Variants in COP1 observed in about 807,000 individuals in gnomAD.
COP1 encodes the protein COP1 E3 ubiquitin ligase.
Under a neutral mutation model 101.3 loss-of-function variants are expected in COP1, and 24 were observed. The ratio of observed to expected loss-of-function variants is 0.24; its 90% confidence interval spans 0.17 to 0.33. COP1 has a LOEUF of 0.33. Ranked by LOEUF, COP1 falls within the 10% of genes least tolerant of loss-of-function variation. COP1 has a pLI of 1.00. For missense variants in COP1, 663 were observed against 906.2 expected (o/e 0.73, Z 3.45); for synonymous variants, 347 against 341.9 (o/e 1.01, Z -0.17).
At chr1:176,144,680 A>G (rs915874908) in intron 6 of COP1, among the ~76,000 whole-genome samples, 1 of 152,168 alleles carries the variant, frequency 6.6e-6, no homozygotes, top group African/African-American at 2.4e-5. Context: ...GGTATTGCGA[A>G]AAAGACCAGT....
chr1:176,063,128 C>T (rs1401308869), intron 11 of COP1, among the ~76,000 whole-genome samples: 4 of 139,320 alleles, frequency 2.9e-5, no homozygotes, highest in Admixed American at 2.3e-4. Flanking sequence ...GGCGCAATCT[C>T]GGCTCACTGC....
At chr1:176,109,643 T>C (rs1684945171) in intron 9 of COP1, among the ~76,000 whole-genome samples, 1 of 152,188 alleles carries the variant, frequency 6.6e-6, no homozygotes, top group Non-Finnish European at 1.5e-5. Flanking sequence ...ATTAAATTAG[T>C]AATTATGGTT....
intron 9 of COP1, among the ~76,000 whole-genome samples, chr1:176,102,448 T>A (rs559727430): frequency 6.6e-6 from 1 of 152,292 alleles, no homozygotes; most frequent in African/African-American, 2.4e-5. Flanking sequence ...TGTCCAAAGT[T>A]CTGAAACTGC....
intron 15 of COP1, among the ~76,000 whole-genome samples, chr1:175,995,415 T>C (rs1171007576): frequency 6.6e-6 from 1 of 151,560 alleles, no homozygotes; most frequent in East Asian, 1.9e-4. Context: ...CTGAAGGAAA[T>C]ACAGACACAA....
chr1:176,109,085 C>T (rs773755910), intron 9 of COP1, among the ~76,000 whole-genome samples: 8 of 151,900 alleles, frequency 5.3e-5, no homozygotes, highest in African/African-American at 9.7e-5. Flanking sequence ...GCACTCCAGC[C>T]TGGCGACAGA....
At chr1:176,019,825 C>T (rs1666411474) in intron 15 of COP1, among the ~76,000 whole-genome samples, 1 of 151,934 alleles carries the variant, frequency 6.6e-6, no homozygotes, top group Non-Finnish European at 1.5e-5. Flanking sequence ...CACACCACTG[C>T]ATTGCAGCCT....
Position 176,023,993 on chromosome 1 carries a change from C to T in COP1, c.1729+3579G>A, listed in dbSNP as rs143680715. Among the ~76,000 whole-genome samples the T allele has an allele frequency of 2.6e-3, 398 of 152,164 alleles. 3 individuals are homozygous for T. The highest frequency in any genetic ancestry group is 9.1e-3 in the African/African-American group (380 of 41,538). ...AAACTACAGGCCGGGCATGGTAGCT[C>T]ATGCCTGTAATCCAAGCACTTTGGG... On this transcript the variant is annotated intron_variant, in intron 15 of 19. Coordinates refer to ENST00000367669, the MANE Select transcript of COP1 (RefSeq NM_022457.7).
At chr1:176,171,275 C>T (rs984142134) in intron 3 of COP1, among the ~76,000 whole-genome samples, 9 of 152,048 alleles carry the variant, frequency 5.9e-5, no homozygotes, top group African/African-American at 1.9e-4. Context: ...TCACCTTGTA[C>T]TTCTATGTTA....
chr1:175,998,092 A>G (rs1170917617), intron 15 of COP1, among the ~76,000 whole-genome samples: 690 of 98,436 alleles, frequency 7.0e-3, no homozygotes, highest in Non-Finnish European at 0.012. Flanking sequence ...AAAAAAAAAG[A>G]AAATGTGGCA....
intron 11 of COP1, among the ~76,000 whole-genome samples, chr1:176,056,153 T>C (rs1017181021): frequency 6.6e-6 from 1 of 152,220 alleles, no homozygotes; most frequent in Admixed American, 6.5e-5. Flanking sequence ...CTTACTGTGT[T>C]GTGATCAGAA....
chr1:176,202,782 T>C (rs1406567073), intron 1 of COP1, among the ~76,000 whole-genome samples: 1 of 152,104 alleles, frequency 6.6e-6, no homozygotes, highest in Non-Finnish European at 1.5e-5. Context: ...GTACTATGCA[T>C]AGTCCATTAG....
chr1:175,994,636 AACAG>A (rs952646133), intron 15 of COP1, among the ~76,000 whole-genome samples: 4 of 151,608 alleles, frequency 2.6e-5, no homozygotes, highest in Non-Finnish European at 4.4e-5. Flanking sequence ...CAAAGATCAA[AACAG>A]ACAAAGAAGG....
chr1:176,069,097 A>C (rs2149339163), intron 11 of COP1, among the ~76,000 whole-genome samples: 1 of 152,230 alleles, frequency 6.6e-6, no homozygotes, highest in South Asian at 2.1e-4. Flanking sequence ...AGGTGGGAGG[A>C]TCACTTGAGC....
rs2149730404 is a variant in COP1 at position 176,135,061 on chromosome 1, A to G, written c.917T>C (p.Val306Ala). The G allele has an allele frequency of 6.2e-7, 1 of 1,609,258 alleles. No individual in the cohort carries two copies. The highest frequency in any genetic ancestry group is 2.2e-5 in the East Asian group (1 of 44,776). ...VEEMSGLYSP[V>A]SEDSTVPQFE... ...TTGAGGCACTGTGCTATCCTCACTG[A>G]CAGGAGAGTATAAGCCACTCATTTC... Residue 306 changes from valine to alanine, a missense_variant, in exon 8 of 20, where the codon GTC becomes GCC. Coordinates refer to ENST00000367669, the MANE Select transcript of COP1 (RefSeq NM_022457.7).
At chr1:176,098,346 G>T (rs1682791133) in intron 9 of COP1, among the ~76,000 whole-genome samples, 1 of 152,178 alleles carries the variant, frequency 6.6e-6, no homozygotes, top group Non-Finnish European at 1.5e-5. Flanking sequence ...GGTGTGTTAT[G>T]ATGTGTTTTT....
chr1:176,203,564 A>G (rs1390955482), intron 1 of COP1, among the ~76,000 whole-genome samples: 1 of 152,212 alleles, frequency 6.6e-6, no homozygotes, highest in Admixed American at 6.5e-5. Flanking sequence ...GTCTAGTTAA[A>G]TGAACCGTAA....
At chr1:176,205,945 T>C (rs1700798803) in intron 1 of COP1, among the ~76,000 whole-genome samples, 1 of 152,222 alleles carries the variant, frequency 6.6e-6, no homozygotes, top group Admixed American at 6.5e-5. Context: ...TTAACAGACT[T>C]TGACTACAGT....
chr1:176,155,101 C>T (rs2149877410), intron 5 of COP1, among the ~76,000 whole-genome samples: 1 of 151,964 alleles, frequency 6.6e-6, no homozygotes, highest in Non-Finnish European at 1.5e-5. Context: ...TTTCACAGTA[C>T]AAATCATTTC....
chr1:176,020,097 G>A (rs1384163624), intron 15 of COP1, among the ~76,000 whole-genome samples: 1 of 151,086 alleles, frequency 6.6e-6, no homozygotes, highest in East Asian at 2.0e-4. Context: ...CAGATCACAA[G>A]GTCAGGAGTT....
Sources: gnomAD v4.1 joint callset for allele counts (sites outside exome capture counted in the v4.1 genomes callset) on GRCh38, gnomAD v4.1.1 for gene constraint, MANE v1.5 for transcripts, NCBI Gene and HGNC (gene_info 2026-07-23, HGNC 2026-07-21) for gene names.